SNRNP200: variants seen among roughly 807,000 people sequenced by gnomAD.
SNRNP200 encodes U5 small nuclear ribonucleoprotein 200 kDa helicase.
In SNRNP200, 66 loss-of-function variants were observed where a neutral mutation model predicts 255.2. That is an observed-to-expected ratio of 0.26 (90% CI 0.21 to 0.32). The LOEUF (loss-of-function observed/expected upper bound fraction) is 0.32. Ranked by LOEUF, SNRNP200 falls within the 10% of genes least tolerant of loss-of-function variation. The probability of loss-of-function intolerance (pLI) is 1.00; values close to 1 mark genes in which losing one functional copy is unlikely to be tolerated. For synonymous variants in SNRNP200, 939 were observed against 1,027.8 expected (o/e 0.91, Z 1.65); for missense variants, 1,585 against 2,749.8 (o/e 0.58, Z 9.47).
At chr2:96,276,115 C>T (rs2104328563) in intron 43 of SNRNP200, among the ~76,000 whole-genome samples, 1 of 152,368 alleles carries the variant, frequency 6.6e-6, no homozygotes, top group South Asian at 2.1e-4. Context: ...CGAAGAGTCC[C>T]AGTTAAAAGC....
intron 12 of SNRNP200, 100 bp downstream of exon 12, chr2:96,296,833 G>A (rs1367809182): frequency 2.0e-6 from 3 of 1,521,420 alleles, no homozygotes; most frequent in Admixed American, 1.7e-5. Flanking sequence ...TCCATCAAAG[G>A]ACAAAGAATT....
In SNRNP200 at chr2:96,291,647, G is replaced by T; in HGVS notation, c.2310+104C>A. 7.1e-7 allele frequency: 1 copy of T among 1,404,472 alleles called. No individual in the cohort carries two copies. Among genetic ancestry groups the T allele is most frequent in the South Asian group, 1.2e-5 (1 of 86,816 alleles). 87.0% of individuals were successfully genotyped at this position (1,404,472 alleles called of 1,614,324 possible). On this transcript the variant is annotated intron_variant, in intron 17 of 44. Transcript: ENST00000323853. The surrounding 1 kb of genome is among the most constrained non-coding windows in gnomAD (Gnocchi z 4.2). ...ATCCAGACAATCAACCTTAACCCATGGGAAACAACAATACCACAGTACAGT... is the reference window on the plus strand; with the variant it reads ...ATCCAGACAATCAACCTTAACCCATTGGAAACAACAATACCACAGTACAGT...
intron 29 of SNRNP200, 63 bp from the exon 30 acceptor site, chr2:96,285,403 T>A: frequency 6.4e-7 from 1 of 1,556,806 alleles, no homozygotes; most frequent in Non-Finnish European, 8.9e-7. Flanking sequence ...GACTGGGACA[T>A]GGATCAATTG....
In SNRNP200 at chr2:96,277,852, C is replaced by T; in HGVS notation, c.5709G>A (p.Gln1903=). The T allele has an allele frequency of 6.2e-7, 1 of 1,614,270 alleles. No homozygotes were observed. Among genetic ancestry groups the T allele is most frequent in the South Asian group, 1.1e-5 (1 of 91,090 alleles). The stretch of plus-strand genomic sequence containing the variant: ...TATCTGACTGCAACTCAGCACTCAG[C>T]TGCATGCGAGACAAGTGAGCCTGCA... The part of the protein sequence containing the change: ...LLLQAHLSRM[Q]LSAELQSDTE... The change falls in exon 40 of 45, where the codon CAG becomes CAA. Residue 1903 remains glutamine (Q), a synonymous_variant. Coordinates refer to ENST00000323853, the MANE Select transcript of SNRNP200 (RefSeq NM_014014.5). The surrounding 1 kb of genome is among the most constrained non-coding windows in gnomAD (Gnocchi z 4.4).
chr2:96,301,008 G>T lies in SNRNP200; in HGVS notation c.620C>A (p.Ser207Tyr). 1.2e-6 allele frequency: 2 copies of T among 1,613,738 alleles called. No homozygotes were observed. The highest frequency in any genetic ancestry group is 2.2e-5 in the South Asian group (2 of 91,050). ...ETYGVNVQFESDEEEGDEDVY... is the reference protein window; with the variant it reads ...ETYGVNVQFEYDEEEGDEDVY... ...ATGTTTATCACTCACCTCCTCATCA[G>T]ACTCAAACTGCACATTCACACCGTA... Residue 207 changes from serine to tyrosine, a missense_variant, in exon 5 of 45, where the codon TCT (serine) becomes TAT (tyrosine). By Grantham distance (144) the Ser-to-Tyr change is moderately radical. This residue lies in a region of SNRNP200 where 383 missense variants were observed against 645.3 expected (regional missense o/e 0.59). Transcript: ENST00000323853.
Position 96,290,218 on chromosome 2 carries a change from G to T in SNRNP200, c.2742+108C>A. On this transcript the variant is annotated intron_variant, in intron 20 of 44. Transcript: ENST00000323853. This position sits in a 1 kb window ranked among gnomAD's most constrained non-coding sequence, Gnocchi z 4.5. ...AGACCCAAGATGTGGGTGCAGGGATGGAAGGCCTCGGACGCTGCTGGCCCG... is the reference window on the plus strand; with the variant it reads ...AGACCCAAGATGTGGGTGCAGGGATTGAAGGCCTCGGACGCTGCTGGCCCG... 1 of 1,245,556 alleles carries T rather than the reference G, an allele frequency of 8.0e-7. No individual in the cohort carries two copies. Among genetic ancestry groups the T allele is most frequent in the Non-Finnish European group, 1.2e-6 (1 of 845,972 alleles). The allele number at this position is 1,245,556 out of a possible 1,614,324, so 77.2% of individuals were successfully genotyped here.
At chr2:96,299,054 C>G in intron 6 of SNRNP200, 87 bp from the exon 7 acceptor site, 2 of 1,543,084 alleles carry the variant, frequency 1.3e-6, no homozygotes, top group Non-Finnish European at 1.8e-6. Flanking sequence ...TTCTACTTGA[C>G]AATCCATAGC....
chr2:96,290,432 T>C lies in SNRNP200; in HGVS notation c.2636A>G (p.Tyr879Cys). Residue 879 changes from tyrosine to cysteine, a missense_variant, in exon 20 of 45, where the codon TAC becomes TGC. Transcript: ENST00000323853. This position sits in a 1 kb window ranked among gnomAD's most constrained non-coding sequence, Gnocchi z 4.5. ...AAGTTGTTGATTGAGGAGGGACAGG[T>C]AGTACTGTAGCTCCCCATGAGATGT... Reference protein sequence around the residue: ...LITSHGELQYYLSLLNQQLPI... With the variant: ...LITSHGELQYCLSLLNQQLPI... 6.2e-7 allele frequency: 1 copy of C among 1,614,042 alleles called. No individual in the cohort carries two copies. The highest frequency in any genetic ancestry group is 8.5e-7 in the Non-Finnish European group (1 of 1,179,916).
At position 96,275,359 on chromosome 2, in the gene SNRNP200, T is replaced by C; in HGVS notation, c.6175-10A>G. ...AGCCCTCTTCACGTTTCTGCAGTGA[T>C]CCAAAACCAAGAATTTCAGCATGTA... On this transcript the variant is annotated splice_polypyrimidine_tract_variant and intron_variant, in intron 43 of 44. Transcript: ENST00000323853. The C allele has an allele frequency of 6.2e-7, 1 of 1,612,080 alleles. No homozygotes were observed. The highest frequency in any genetic ancestry group is 2.2e-5 in the East Asian group (1 of 44,868).
At chr2:96,292,178 G>A (rs574849310) in intron 16 of SNRNP200, among the ~76,000 whole-genome samples, 3 of 152,248 alleles carry the variant, frequency 2.0e-5, no homozygotes, top group East Asian at 3.9e-4. Flanking sequence ...CTACAAATTC[G>A]GGCCTCTCAA....
chr2:96,298,603 T>C lies in SNRNP200; in HGVS notation c.982A>G (p.Ile328Val), dbSNP rs2063934016. Residue 328 changes from isoleucine to valine, a missense_variant and splice_region_variant, in exon 8 of 45, where the codon ATT becomes GTT. Around this residue, in one of 9 missense-constraint regions of SNRNP200, gnomAD observed 383 missense variants for 645.3 expected, o/e 0.59. Transcript: ENST00000323853. ...IKVLRQHRMM[I>V]LYCTLLASAQ... ...CAGGAAGACCCCACCATATACTCAC[T>C]CATCATCCTGTGCTGCCGCAACACT... 1.2e-6 allele frequency: 2 copies of C among 1,613,874 alleles called. No homozygotes were observed. The highest frequency in any genetic ancestry group is 4.5e-5 in the East Asian group (2 of 44,886).
rs2063982860 is a variant in SNRNP200, at chr2:96,305,516, C to T, written c.-79G>A. The T allele has an allele frequency of 5.0e-6, 8 of 1,593,166 alleles. No homozygotes were observed. The highest frequency in any genetic ancestry group is 1.7e-4 in the Middle Eastern group (1 of 6,048). The stretch of plus-strand genomic sequence containing the variant: ...AAACGGCCGCAGATCTCTGCTCCCG[C>T]CGCGCCGGAACGACGCAGGAAAGAC... On this transcript the variant is annotated 5_prime_UTR_variant, in exon 1 of 45. Coordinates refer to ENST00000323853, the MANE Select transcript of SNRNP200 (RefSeq NM_014014.5).
chr2:96,290,874 C>T lies in SNRNP200; in HGVS notation c.2422-59G>A, dbSNP rs1205920611. The T allele has an allele frequency of 1.2e-6, 2 of 1,610,344 alleles. No homozygotes were observed. The highest frequency in any genetic ancestry group is 1.7e-6 in the Non-Finnish European group (2 of 1,177,890). On this transcript the variant is annotated intron_variant, in intron 18 of 44. Coordinates refer to ENST00000323853, the MANE Select transcript of SNRNP200 (RefSeq NM_014014.5). The surrounding 1 kb of genome is among the most constrained non-coding windows in gnomAD (Gnocchi z 4.5). ...GATGCCATCACCAGGGGTTAATATC[C>T]CTGGCTTCTCTAGGCAGTTGGCCTC...
chr2:96,296,306 A>G (rs1387901253), intron 13 of SNRNP200, among the ~76,000 whole-genome samples: 1 of 152,270 alleles, frequency 6.6e-6, no homozygotes, highest in African/African-American at 2.4e-5. Flanking sequence ...AGAGGATGAA[A>G]GAAAGATGCT....
At chr2:96,281,416 G>GC (rs1558764295) in intron 35 of SNRNP200, 3 of 274,750 alleles carry the variant, frequency 1.1e-5, no homozygotes, top group Non-Finnish European at 2.2e-5. Context: ...TGATCCGCCC[G>GC]CCTCAGCCTC....
intron 2 of SNRNP200, among the ~76,000 whole-genome samples, chr2:96,304,182 T>A (rs2063972733): frequency 6.6e-6 from 1 of 151,622 alleles, no homozygotes; most frequent in South Asian, 2.1e-4. Context: ...GACACCAAGA[T>A]ATTCAGGATC....
At position 96,295,490 on chromosome 2, in the gene SNRNP200, G is replaced by A; in HGVS notation, c.1840C>T (p.Leu614=). 6.2e-7 allele frequency: 1 copy of A among 1,613,320 alleles called. No homozygotes were observed. The part of the protein sequence containing the change: ...TYTQLVRLII[L]DEIHLLHDDR... ...TTCTACGACTGCTCCCAACTCACCA[G>A]AATGATGAGCCGCACCAGCTGGGTG... The change falls in exon 14 of 45, where the codon CTG becomes TTG. Residue 614 remains leucine, a splice_region_variant and synonymous_variant. Coordinates refer to ENST00000323853, the MANE Select transcript of SNRNP200 (RefSeq NM_014014.5).
In SNRNP200 at chr2:96,297,692, C is replaced by T. The variant is rs536493402; in HGVS notation, c.1148G>A (p.Arg383His). The T allele has an allele frequency of 2.3e-5, 37 of 1,614,232 alleles. No individual in the cohort carries two copies. Among genetic ancestry groups the T allele is most frequent in the African/African-American group, 6.7e-5 (5 of 75,058 alleles). The change falls in exon 10 of 45, where the codon CGT becomes CAT. Residue 383 changes from arginine (R) to histidine (H), a missense_variant. Arg to His is a conservative substitution (Grantham distance 29). Transcript: ENST00000323853. ...CAGATCTGTGTCCATTCGAGACTGA[C>T]GCACTCGCTCTCTCCGGGACCTTTC... ...REERSRRERVRQSRMDTDLET... is the reference protein window; with the variant it reads ...REERSRRERVHQSRMDTDLET...
At chr2:96,276,757 C>T in intron 43 of SNRNP200, 147 bp downstream of exon 43, 2 of 863,032 alleles carry the variant, frequency 2.3e-6, no homozygotes, top group Non-Finnish European at 4.0e-6. Flanking sequence ...AAAAAAAACC[C>T]CATAGCCTCA....
Sources: allele counts gnomAD v4.1 joint callset (sites outside exome capture counted in the v4.1 genomes callset), GRCh38; gene constraint gnomAD v4.1.1; regional missense constraint gnomAD v4.1.1; non-coding constraint Gnocchi (gnomAD v3.1); transcripts MANE v1.5; gene names NCBI Gene and HGNC (gene_info 2026-07-23, HGNC 2026-07-21).